The following TENT4B variants were observed in gnomAD, a reference collection of about 807,000 sequenced individuals.
The protein encoded by TENT4B is PAP associated domain containing 5.
Under a neutral mutation model 75.0 loss-of-function variants are expected in TENT4B, and 10 were observed. That is an observed-to-expected ratio of 0.13 (90% CI 0.08 to 0.23). The LOEUF (loss-of-function observed/expected upper bound fraction) is 0.23, where lower values mean the gene tolerates loss of function less well. TENT4B is among the 10% of genes least tolerant of loss of function. The pLI, the probability that TENT4B is intolerant of heterozygous loss-of-function variation, is 1.00. For synonymous variants in TENT4B, 350 were observed against 357.7 expected (o/e 0.98, Z 0.24); for missense variants, 579 against 893.8 (o/e 0.65, Z 4.49).
chr16:50,195,731 T>C (rs1483511194), intron 1 of TENT4B, among the ~76,000 whole-genome samples: 1 of 152,236 alleles, frequency 6.6e-6, no homozygotes, highest in African/African-American at 2.4e-5. Context: ...ATTATCAGTG[T>C]TCACAGTATC....
At chr16:50,153,130 C>A (rs947882556), upstream of TENT4B, 1 of 822,032 alleles carries the variant, frequency 1.2e-6, no homozygotes, top group Non-Finnish European at 1.5e-6. Flanking sequence ...CGAGGCCTCC[C>A]GGGCTGCTGC....
chr16:50,214,054 C>T (rs1596735419), intron 2 of TENT4B, among the ~76,000 whole-genome samples, 167 bp from the exon 3 acceptor site: 2 of 152,162 alleles, frequency 1.3e-5, no homozygotes, highest in Non-Finnish European at 2.9e-5. Context: ...GCTTGTGAAA[C>T]AGAATCCCCG....
At chr16:50,153,054 A>C, upstream of TENT4B, 1 of 1,485,004 alleles carries the variant, frequency 6.7e-7, no homozygotes, top group Non-Finnish European at 8.9e-7. Flanking sequence ...CACTCCACAG[A>C]TGGCGCAAGT....
intron 1 of TENT4B, among the ~76,000 whole-genome samples, chr16:50,196,490 TCA>T (rs2030258485): frequency 5.5e-5 from 1 of 18,034 alleles, no homozygotes; most frequent in Non-Finnish European, 1.8e-4. Context: ...TTTATCATTA[TCA>T]TCATCATCAT....
Position 50,229,431 on chromosome 16 carries a change from A to G in TENT4B, c.*103A>G. The G allele has an allele frequency of 1.4e-6, 2 of 1,381,116 alleles. No homozygotes were observed. The highest frequency in any genetic ancestry group is 1.9e-6 in the Non-Finnish European group (2 of 1,068,470). 85.6% of individuals were successfully genotyped at this position (1,381,116 alleles called of 1,614,324 possible). A position where few individuals can be genotyped will look rare whatever the true frequency, so the allele number is the denominator to read the frequency against. ...TATTCAGGAGCCTCACACTGTTCAG[A>G]CGTTGACTTAGCAACTGCGTTTTTT... On this transcript the variant is annotated 3_prime_UTR_variant, in exon 12 of 12. Coordinates refer to ENST00000561678, the MANE Select transcript of TENT4B (RefSeq NM_001365324.3).
chr16:50,219,241 C>A (rs2031716542), intron 5 of TENT4B, among the ~76,000 whole-genome samples: 1 of 152,174 alleles, frequency 6.6e-6, no homozygotes, highest in Admixed American at 6.5e-5. Flanking sequence ...ATCATTTTTA[C>A]AGAATTTCTC....
chr16:50,178,383 T>C (rs2038349464), intron 1 of TENT4B, among the ~76,000 whole-genome samples: 1 of 151,802 alleles, frequency 6.6e-6, no homozygotes, highest in South Asian at 2.1e-4. Context: ...AGGTTGAGGC[T>C]ACATGAGCCA....
chr16:50,153,766 G>GGCGGCAGCAGCA lies in TENT4B; in HGVS notation c.148_159dup (p.Gly50_Ser53dup). On this transcript the variant is annotated inframe_insertion, in exon 1 of 12. Transcript: ENST00000561678. ...CAGCAGCGGCGGCGCGAGCGGCGGC[G>GGCGGCAGCAGCA]GCGGCAGCAGCAGCAGCAGCAGCAC... 9.0e-7 allele frequency: 1 copy of GGCGGCAGCAGCA among 1,109,300 alleles called. No individual in the cohort carries two copies. The allele number at this position is 1,109,300 out of a possible 1,614,324, so 68.7% of individuals were successfully genotyped here. A position where few individuals can be genotyped will look rare whatever the true frequency, so the allele number is the denominator to read the frequency against.
intron 1 of TENT4B, among the ~76,000 whole-genome samples, chr16:50,175,488 G>A (rs1167477468): frequency 6.6e-6 from 1 of 152,012 alleles, no homozygotes; most frequent in Non-Finnish European, 1.5e-5. Context: ...TCTATGTCTG[G>A]ATTCTCTCTT....
chr16:50,173,112 G>A (rs984461725), intron 1 of TENT4B, among the ~76,000 whole-genome samples: 4 of 151,958 alleles, frequency 2.6e-5, no homozygotes, highest in African/African-American at 9.7e-5. Flanking sequence ...CCTGGCTAAT[G>A]TTTGTATTTT....
rs60683678 is a variant in TENT4B at position 50,155,272 on chromosome 16, GGTGTGTGTGT to G, written c.638+1044_638+1053del. On this transcript the variant is annotated intron_variant, in intron 1 of 11. Transcript: ENST00000561678. The stretch of plus-strand genomic sequence containing the variant: ...TAAAACAAAGCTTTTGGGTCTCGTG[GGTGTGTGTGT>G]GTGTGTGTGTGTGTGTGTGTGTGTG... 2.5e-4 allele frequency among the ~76,000 whole-genome samples: 34 copies of G among 135,480 alleles called. No individual in the cohort carries two copies. In the East Asian group the frequency reaches 3.0e-3, roughly 12 times the overall value. The allele number at this position is 135,480 out of a possible 152,430, so 88.9% of individuals were successfully genotyped here. A position where few individuals can be genotyped will look rare whatever the true frequency, so the allele number is the denominator to read the frequency against.
chr16:50,195,090 G>A (rs960368914), intron 1 of TENT4B, among the ~76,000 whole-genome samples: 4 of 152,154 alleles, frequency 2.6e-5, no homozygotes, highest in African/African-American at 7.2e-5. Flanking sequence ...GCCCAGGCTT[G>A]TTTAATTGAT....
chr16:50,165,578 C>A (rs1175027558), intron 1 of TENT4B, among the ~76,000 whole-genome samples: 1 of 152,132 alleles, frequency 6.6e-6, no homozygotes, highest in African/African-American at 2.4e-5. Flanking sequence ...CATTATCACT[C>A]CCCACTCCCT....
intron 1 of TENT4B, among the ~76,000 whole-genome samples, chr16:50,210,622 A>G (rs1291544603): frequency 6.6e-6 from 1 of 152,220 alleles, no homozygotes; most frequent in Non-Finnish European, 1.5e-5. Context: ...TTTTGAAGTC[A>G]GTCTCTTTTG....
chr16:50,161,616 C>T (rs913185830), intron 1 of TENT4B, among the ~76,000 whole-genome samples: 1 of 152,112 alleles, frequency 6.6e-6, no homozygotes, highest in Non-Finnish European at 1.5e-5. Context: ...ATTATATTAA[C>T]CTCCTCATAC....
chr16:50,222,506 G>A (rs1387216003), intron 6 of TENT4B, 72 bp downstream of exon 6: 61 of 1,526,116 alleles, frequency 4.0e-5, no homozygotes, highest in Middle Eastern at 1.7e-4. Context: ...GAAACATTTT[G>A]GAAAAAATCG....
At chr16:50,171,393 G>A (rs1477316049) in intron 1 of TENT4B, among the ~76,000 whole-genome samples, 1 of 152,084 alleles carries the variant, frequency 6.6e-6, no homozygotes, top group Non-Finnish European at 1.5e-5. Flanking sequence ...AGAGTGAGAA[G>A]TAACTCTGGC....
At position 50,231,872 on chromosome 16, in the gene TENT4B, C is replaced by G. The variant is rs1003433614; in HGVS notation, c.*2544C>G. 2.0e-6 allele frequency: 2 copies of G among 982,350 alleles called. No individual in the cohort carries two copies. The highest frequency in any genetic ancestry group is 6.2e-5 in the Admixed American group (1 of 16,254). 60.9% of individuals were successfully genotyped at this position (982,350 alleles called of 1,614,324 possible). A position where few individuals can be genotyped will look rare whatever the true frequency, so the allele number is the denominator to read the frequency against. On this transcript the variant is annotated 3_prime_UTR_variant, in exon 12 of 12. Coordinates refer to ENST00000561678, the MANE Select transcript of TENT4B (RefSeq NM_001365324.3). ...TGTTTTATACATTTCATCTATTTGA[C>G]TCCTATCTTATTTCTTTTTTGAGTT...
intron 1 of TENT4B, among the ~76,000 whole-genome samples, chr16:50,205,010 C>A (rs2030867750): frequency 6.6e-6 from 1 of 152,186 alleles, no homozygotes; most frequent in Non-Finnish European, 1.5e-5. Flanking sequence ...AGTGTGTCTG[C>A]AAGGCTAGAT....
Sources: gnomAD v4.1 joint callset for allele counts (sites outside exome capture counted in the v4.1 genomes callset) on GRCh38, gnomAD v4.1.1 for gene constraint, MANE v1.5 for transcripts, NCBI Gene and HGNC (gene_info 2026-07-23, HGNC 2026-07-21) for gene names.